RYR3: variants seen among roughly 807,000 people sequenced by gnomAD.
RYR3 encodes brain ryanodine receptor-calcium release channel.
In RYR3, 207 loss-of-function variants were observed where a neutral mutation model predicts 584.3. The ratio of observed to expected loss-of-function variants is 0.35; its 90% confidence interval spans 0.32 to 0.40. The LOEUF (loss-of-function observed/expected upper bound fraction) is 0.40, where lower values mean the gene tolerates loss of function less well. Among genes scored for constraint, RYR3 ranks in the 10% least tolerant of loss-of-function variants. The probability of loss-of-function intolerance (pLI) is 1.00; values close to 1 mark genes in which losing one functional copy is unlikely to be tolerated. For missense variants in RYR3, 5,616 were observed against 6,089.2 expected, an observed-to-expected ratio of 0.92 and a Z score of 2.59; for synonymous variants, 2,416 against 2,248.5, an observed-to-expected ratio of 1.07 and a Z score of -2.11.
At chr15:33,781,365 G>T (rs2074369167) in intron 65 of RYR3, among the ~76,000 whole-genome samples, 1 of 152,136 alleles carries the variant, frequency 6.6e-6, no homozygotes. Flanking sequence ...TTCAACCAGA[G>T]CTTTTTCTAT....
In RYR3 at chr15:33,746,246, C is replaced by T. The variant is rs998903736; in HGVS notation, c.7989+89C>T. On this transcript the variant is annotated intron_variant, in intron 53 of 103. Transcript: ENST00000634891. ...CAGAGGAGTTCAGAGCACATTCACT[C>T]TCACGTCCCTACAACATCATCATCT... 40 of 882,254 alleles carry T rather than the reference C, an allele frequency of 4.5e-5. No homozygotes were observed. The East Asian group carries it at 1.1e-3, about 23-fold the overall frequency. The allele number at this position is 882,254 out of a possible 1,614,324, so 54.7% of individuals were successfully genotyped here.
chr15:33,491,585 C>T (rs28721001), intron 2 of RYR3, among the ~76,000 whole-genome samples: 8,699 of 152,258 alleles, frequency 0.057, 360 homozygotes, highest in Non-Finnish European at 0.085. Context: ...TTGGAGATAA[C>T]TCTTAGTTAT....
intron 1 of RYR3, among the ~76,000 whole-genome samples, chr15:33,325,031 A>G (rs1386127799): frequency 6.6e-6 from 1 of 152,236 alleles, no homozygotes; most frequent in Non-Finnish European, 1.5e-5. Context: ...AAAATGGAAA[A>G]TAGATATAGG....
chr15:33,388,195 T>C (rs2041758402), intron 1 of RYR3, among the ~76,000 whole-genome samples: 1 of 152,146 alleles, frequency 6.6e-6, no homozygotes, highest in Non-Finnish European at 1.5e-5. Context: ...AAGGATGTGA[T>C]AGTTGATAAA....
At chr15:33,790,747 T>C (rs1441816851) in intron 67 of RYR3, among the ~76,000 whole-genome samples, 2 of 151,846 alleles carry the variant, frequency 1.3e-5, no homozygotes, top group Non-Finnish European at 2.9e-5. Flanking sequence ...CTAGATGAGA[T>C]AAGTAAAGGA....
intron 99 of RYR3, chr15:33,858,117 T>G: frequency 1.5e-6 from 1 of 671,118 alleles, no homozygotes; most frequent in Non-Finnish European, 2.4e-6. Flanking sequence ...GGAGGTAGTT[T>G]TCATTACCAC....
intron 41 of RYR3, among the ~76,000 whole-genome samples, chr15:33,700,679 G>A (rs1169922282): frequency 6.6e-6 from 1 of 152,160 alleles, no homozygotes; most frequent in East Asian, 1.9e-4. Context: ...AGTGGCATCT[G>A]ATATGGGGGC....
chr15:33,425,951 A>G (rs1311135279), intron 1 of RYR3, among the ~76,000 whole-genome samples: 1 of 152,048 alleles, frequency 6.6e-6, no homozygotes, highest in Non-Finnish European at 1.5e-5. Flanking sequence ...CTGTTTTTTT[A>G]TTCTTTAAAT....
rs542871335 is a variant in RYR3, at chr15:33,582,604, A to G, written c.1573+961A>G. 2.0e-5 allele frequency among the ~76,000 whole-genome samples: 3 copies of G among 152,332 alleles called. No homozygotes were observed. In the South Asian group the frequency reaches 6.2e-4, roughly 32 times the overall value. On this transcript the variant is annotated intron_variant, in intron 14 of 103. Coordinates refer to ENST00000634891, the MANE Select transcript of RYR3 (RefSeq NM_001036.6). Reference sequence around the variant, plus strand: ...ACTCCAGAGCAACACTTTAAGGGTCAGTTATTATTATTACTGTCATTTCAC... The same window carrying G: ...ACTCCAGAGCAACACTTTAAGGGTCGGTTATTATTATTACTGTCATTTCAC...
rs1475666494 is a variant in RYR3, at chr15:33,697,924, C to T, written c.6177C>T (p.Leu2059=). ...NNKVFYQHPN[L]MRVLGMHETV... ...AGGTGTTTTACCAGCATCCCAACCT[C>T]ATGAGAGTCCTGGGCATGCACGAGA... Residue 2059 remains leucine, a synonymous_variant, in exon 40 of 104, where the codon CTC becomes CTT. Transcript: ENST00000634891. The T allele has an allele frequency of 6.2e-7, 1 of 1,613,740 alleles. No homozygotes were observed. The highest frequency in any genetic ancestry group is 8.5e-7 in the Non-Finnish European group (1 of 1,179,774).
At chr15:33,857,715 C>T (rs2079841539) in intron 98 of RYR3, 65 bp from the exon 99 acceptor site, 3 of 1,598,070 alleles carry the variant, frequency 1.9e-6, no homozygotes, top group East Asian at 2.2e-5. Context: ...CTTAGAGTCT[C>T]CTGTGAACCT....
intron 60 of RYR3, among the ~76,000 whole-genome samples, chr15:33,765,984 T>A (rs2073025466): frequency 6.6e-6 from 1 of 152,088 alleles, no homozygotes; most frequent in Admixed American, 6.6e-5. Context: ...AGGACAAGAA[T>A]AAAAATGCAG....
intron 1 of RYR3, among the ~76,000 whole-genome samples, chr15:33,427,983 C>A (rs1485280919): frequency 6.6e-6 from 1 of 152,212 alleles, no homozygotes. Context: ...CTCCCAGAAA[C>A]GGAGATCTCT....
intron 1 of RYR3, among the ~76,000 whole-genome samples, chr15:33,424,013 GC>G (rs1360518690): frequency 6.6e-6 from 1 of 152,162 alleles, no homozygotes; most frequent in Non-Finnish European, 1.5e-5. Flanking sequence ...AACTCTCCTT[GC>G]CCTGGTTCAG....
chr15:33,391,575 G>A (rs950080556), intron 1 of RYR3, among the ~76,000 whole-genome samples: 2 of 150,736 alleles, frequency 1.3e-5, no homozygotes, highest in African/African-American at 2.4e-5. Context: ...GCAGTGAGCC[G>A]AGATTGTGCC....
chr15:33,757,485 C>T lies in RYR3; in HGVS notation c.8594C>T (p.Pro2865Leu), dbSNP rs374686375. Residue 2865 changes from proline (P) to leucine (L), a missense_variant, in exon 60 of 104, where the codon CCG becomes CTG. Pro to Leu is a moderately conservative substitution (Grantham distance 98, BLOSUM62 -3). Around this residue, in one of 9 missense-constraint regions of RYR3, gnomAD observed 1,280 missense variants for 1,426.2 expected, o/e 0.90. Transcript: ENST00000634891. Reference protein sequence around the residue: ...EIKFFAKVLLPLVDQYFTSHC... With the variant: ...EIKFFAKVLLLLVDQYFTSHC... Reference sequence around the variant, plus strand: ...TGGTGCGTTTCCCAGGTTCTCCTCCCGCTGGTTGACCAGTACTTCACCAGT... The same window carrying T: ...TGGTGCGTTTCCCAGGTTCTCCTCCTGCTGGTTGACCAGTACTTCACCAGT... 1.8e-5 allele frequency: 29 copies of T among 1,606,888 alleles called. No individual in the cohort carries two copies. The highest frequency in any genetic ancestry group is 1.0e-5 in the Non-Finnish European group (12 of 1,176,970).
intron 34 of RYR3, among the ~76,000 whole-genome samples, chr15:33,660,735 A>G (rs1402165113): frequency 6.6e-6 from 1 of 152,216 alleles, no homozygotes; most frequent in African/African-American, 2.4e-5. Flanking sequence ...AGGAAGGGGA[A>G]GACTCTAGCT....
chr15:33,473,682 A>G, intron 2 of RYR3, 144 bp downstream of exon 2: 1 of 839,482 alleles, frequency 1.2e-6, no homozygotes, highest in South Asian at 1.8e-5. Context: ...ATCTGGTTTA[A>G]ACCATAACTT....
At chr15:33,812,074 G>C (rs2076583920) in intron 72 of RYR3, among the ~76,000 whole-genome samples, 1 of 152,132 alleles carries the variant, frequency 6.6e-6, no homozygotes, top group African/African-American at 2.4e-5. Context: ...CATTGTAAAG[G>C]AAGAGGAGTG....
Sources: gnomAD v4.1 joint callset for allele counts (sites outside exome capture counted in the v4.1 genomes callset) on GRCh38, gnomAD v4.1.1 for gene constraint, gnomAD v4.1.1 regional missense constraint, MANE v1.5 for transcripts, NCBI Gene and HGNC (gene_info 2026-07-23, HGNC 2026-07-21) for gene names.